LHFPL6: variants seen among roughly 807,000 people sequenced by gnomAD.
LHFPL6 encodes LHFPL tetraspan subfamily member 6 protein.
Under a neutral mutation model 20.6 loss-of-function variants are expected in LHFPL6, and 9 were observed. That is an observed-to-expected ratio of 0.44 (90% CI 0.26 to 0.76). The LOEUF is 0.76. Among genes scored for constraint, LHFPL6 ranks in the 30% least tolerant of loss-of-function variants. LHFPL6 has a pLI of 0.20. For missense variants in LHFPL6, 218 were observed against 253.5 expected (o/e 0.86, Z 0.95); for synonymous variants, 105 against 98.7 (o/e 1.06, Z -0.38).
chr13:39,560,920 C>A (rs549606070), intron 2 of LHFPL6, among the ~76,000 whole-genome samples: 1 of 152,284 alleles, frequency 6.6e-6, no homozygotes, highest in South Asian at 2.1e-4. Context: ...TCCCTGCTGA[C>A]TGGAGTCTTA....
At chr13:39,451,925 T>C (rs1872454673) in intron 2 of LHFPL6, among the ~76,000 whole-genome samples, 1 of 152,036 alleles carries the variant, frequency 6.6e-6, no homozygotes, top group Non-Finnish European at 1.5e-5. Context: ...CTACAGGAAA[T>C]ATGTGTGTGT....
At chr13:39,443,215 CT>C (rs781145240) in intron 2 of LHFPL6, among the ~76,000 whole-genome samples, 40 of 152,140 alleles carry the variant, frequency 2.6e-4, no homozygotes, top group Non-Finnish European at 4.1e-4. Context: ...GTTCTGTCCC[CT>C]TTTCTTCCTC....
intron 2 of LHFPL6, among the ~76,000 whole-genome samples, chr13:39,599,482 C>T (rs980143393): frequency 1.3e-5 from 2 of 152,158 alleles, no homozygotes; most frequent in South Asian, 2.1e-4. Context: ...ACATGCAAGA[C>T]TTTTGTCAGT....
At chr13:39,448,226 T>C (rs1470110555) in intron 2 of LHFPL6, among the ~76,000 whole-genome samples, 3 of 152,234 alleles carry the variant, frequency 2.0e-5, no homozygotes, top group Admixed American at 6.5e-5. Flanking sequence ...AGCACTGTTA[T>C]TCAGGGTACA....
At chr13:39,559,401 A>T (rs1871403011) in intron 2 of LHFPL6, among the ~76,000 whole-genome samples, 1 of 152,234 alleles carries the variant, frequency 6.6e-6, no homozygotes, top group Non-Finnish European at 1.5e-5. Context: ...AGGGTTAAAG[A>T]GGGGCACTTC....
At chr13:39,555,154 C>T (rs145562712) in intron 2 of LHFPL6, among the ~76,000 whole-genome samples, 4 of 152,290 alleles carry the variant, frequency 2.6e-5, no homozygotes, top group African/African-American at 4.8e-5. Flanking sequence ...CACTCCTACT[C>T]GGAAACTGAC....
At chr13:39,566,438 G>A (rs920559865) in intron 2 of LHFPL6, among the ~76,000 whole-genome samples, 13 of 152,178 alleles carry the variant, frequency 8.5e-5, no homozygotes, top group Admixed American at 6.5e-4. Context: ...TGAGATTGAC[G>A]AAGTAATAAA....
Position 39,457,358 on chromosome 13 carries a change from C to A in LHFPL6, c.386-78832G>T, listed in dbSNP as rs945160550. Among the ~76,000 whole-genome samples the A allele has an allele frequency of 3.9e-5, 6 of 152,062 alleles. 1 individual carries two copies. Among genetic ancestry groups the A allele is most frequent in the Admixed American group, 3.9e-4 (6 of 15,282 alleles). On this transcript the variant is annotated intron_variant, in intron 2 of 3. Transcript: ENST00000379589. ...GCACAAAAGAAGGTATACAAATGGG[C>A]AATAAGTACATGAAAAGAAGTTCAA...
intron 2 of LHFPL6, among the ~76,000 whole-genome samples, chr13:39,452,352 C>T (rs1872472608): frequency 6.6e-6 from 1 of 152,208 alleles, no homozygotes; most frequent in African/African-American, 2.4e-5. Context: ...CAAAGAGAAA[C>T]TCTTACATAC....
intron 2 of LHFPL6, among the ~76,000 whole-genome samples, chr13:39,512,198 C>T (rs1026892934): frequency 7.9e-5 from 12 of 152,208 alleles, no homozygotes; most frequent in Admixed American, 7.9e-4. Context: ...CACTGATTTC[C>T]TGTTCTCTCT....
intron 2 of LHFPL6, among the ~76,000 whole-genome samples, chr13:39,459,531 C>T (rs552029030): frequency 6.6e-6 from 1 of 152,218 alleles, no homozygotes; most frequent in East Asian, 1.9e-4. Context: ...ATTTTCAATA[C>T]TTTAACATTA....
intron 2 of LHFPL6, among the ~76,000 whole-genome samples, chr13:39,543,880 A>G (rs927871033): frequency 6.6e-6 from 1 of 152,248 alleles, no homozygotes; most frequent in African/African-American, 2.4e-5. Flanking sequence ...TCTTGATGAC[A>G]TGTCTCAGAC....
At chr13:39,422,853 A>T (rs77399065) in intron 2 of LHFPL6, among the ~76,000 whole-genome samples, 168 of 152,192 alleles carry the variant, frequency 1.1e-3, no homozygotes, top group African/African-American at 3.9e-3. Context: ...GTTCCATGGG[A>T]CTGGGGAGGC....
At chr13:39,538,333 T>C (rs932571454) in intron 2 of LHFPL6, among the ~76,000 whole-genome samples, 1 of 151,226 alleles carries the variant, frequency 6.6e-6, no homozygotes, top group Non-Finnish European at 1.5e-5. Flanking sequence ...AAGCTAATGG[T>C]CAAATTTAGT....
chr13:39,597,777 C>T (rs1239550424), intron 2 of LHFPL6, among the ~76,000 whole-genome samples: 1 of 152,216 alleles, frequency 6.6e-6, no homozygotes, highest in African/African-American at 2.4e-5. Flanking sequence ...ATGGCAGCCC[C>T]ATTTTACATT....
intron 2 of LHFPL6, among the ~76,000 whole-genome samples, chr13:39,489,035 C>A (rs1413849153): frequency 6.6e-6 from 1 of 152,190 alleles, no homozygotes; most frequent in Non-Finnish European, 1.5e-5. Context: ...CACAAATGAT[C>A]TGAACAATAT....
At chr13:39,555,006 A>T (rs962376789) in intron 2 of LHFPL6, among the ~76,000 whole-genome samples, 2 of 152,216 alleles carry the variant, frequency 1.3e-5, no homozygotes, top group Non-Finnish European at 2.9e-5. Context: ...TTTCTTTTCT[A>T]GCCAGAAGTC....
chr13:39,502,569 C>T (rs904024469), intron 2 of LHFPL6, among the ~76,000 whole-genome samples: 1 of 152,012 alleles, frequency 6.6e-6, no homozygotes, highest in Non-Finnish European at 1.5e-5. Flanking sequence ...TCCAGTGAGC[C>T]ATGATCAAGC....
intron 2 of LHFPL6, among the ~76,000 whole-genome samples, chr13:39,510,345 T>C (rs1197038397): frequency 6.6e-6 from 1 of 152,254 alleles, no homozygotes; most frequent in Admixed American, 6.5e-5. Flanking sequence ...TGTTTTCACC[T>C]GACACTTTTC....
Sources: allele counts gnomAD v4.1 joint callset (sites outside exome capture counted in the v4.1 genomes callset), GRCh38; gene constraint gnomAD v4.1.1; transcripts MANE v1.5; gene names NCBI Gene and HGNC (gene_info 2026-07-23, HGNC 2026-07-21).